The following SOX6 variants were observed in gnomAD, a reference collection of about 807,000 sequenced individuals.
SOX6 encodes the protein transcription factor SOX-6.
SOX6 carries 11 observed loss-of-function variants against 97.8 expected under a neutral mutation model. That is an observed-to-expected ratio of 0.11 (90% confidence interval 0.07 to 0.19). The LOEUF (loss-of-function observed/expected upper bound fraction) is 0.19, where lower values mean the gene tolerates loss of function less well. Ranked by LOEUF, SOX6 falls within the 10% of genes least tolerant of loss-of-function variation. The pLI is 1.00. For synonymous variants in SOX6, 360 were observed against 371.4 expected, an observed-to-expected ratio of 0.97 and a Z score of 0.35; for missense variants, 810 against 1,039.5, an observed-to-expected ratio of 0.78 and a Z score of 3.04.
chr11:16,253,112 C>A (rs1230339270), intron 3 of SOX6, among the ~76,000 whole-genome samples: 1 of 152,146 alleles, frequency 6.6e-6, no homozygotes, highest in African/African-American at 2.4e-5. Flanking sequence ...CTTTGGGAGG[C>A]CTAGGCGGGC....
intron 9 of SOX6, among the ~76,000 whole-genome samples, chr11:16,077,086 G>A (rs1294926999): frequency 6.6e-6 from 1 of 152,136 alleles, no homozygotes; most frequent in Non-Finnish European, 1.5e-5. Flanking sequence ...CAGATCTCAT[G>A]AGAACTCACT....
intron 4 of SOX6, among the ~76,000 whole-genome samples, chr11:16,213,503 C>T (rs1419363846): frequency 3.3e-5 from 5 of 151,992 alleles, no homozygotes; most frequent in African/African-American, 1.2e-4. Flanking sequence ...AAATACCACT[C>T]AAAACAGGAA....
chr11:16,296,276 C>T (rs1855084751), intron 3 of SOX6, among the ~76,000 whole-genome samples: 1 of 152,034 alleles, frequency 6.6e-6, no homozygotes, highest in African/African-American at 2.4e-5. Flanking sequence ...CCATGCTTTA[C>T]TCAGATATTT....
At position 16,394,172 on chromosome 11, in the gene SOX6, T is replaced by C. The variant is rs184815938; in HGVS notation, c.-4-52920A>G. On this transcript the variant is annotated intron_variant, in intron 1 of 15. Transcript: ENST00000396356. The stretch of plus-strand genomic sequence containing the variant: ...AATTGTATTTTTACTATGCATATCA[T>C]TGAAGAAGATGGAAAAAGGCACCAT... Among the ~76,000 whole-genome samples, 12 of 152,096 alleles carry C rather than the reference T, an allele frequency of 7.9e-5. No individual in the cohort carries two copies. The East Asian group carries it at 2.3e-3, about 29-fold the overall frequency.
intron 1 of SOX6, among the ~76,000 whole-genome samples, chr11:16,462,070 T>A (rs1244454452): frequency 6.6e-6 from 1 of 152,208 alleles, no homozygotes; most frequent in Non-Finnish European, 1.5e-5. Context: ...AAAGCATTAT[T>A]CTTGGAAGAA....
chr11:16,641,632 G>T, intron 3 of SOX6, among the ~76,000 whole-genome samples: 1 of 152,224 alleles, frequency 6.6e-6, no homozygotes, highest in Non-Finnish European at 1.5e-5. Flanking sequence ...AGCTCTTCTT[G>T]TTGAATTGGT....
chr11:16,083,812 C>T (rs185183020), intron 9 of SOX6, among the ~76,000 whole-genome samples: 23 of 152,182 alleles, frequency 1.5e-4, no homozygotes, highest in Admixed American at 1.5e-3. Context: ...TCACAACTTC[C>T]CTATGGGGGT....
intron 6 of SOX6, among the ~76,000 whole-genome samples, chr11:16,159,377 A>G (rs1850683385): frequency 6.6e-6 from 1 of 152,048 alleles, no homozygotes; most frequent in South Asian, 2.1e-4. Context: ...TTATTTCTCA[A>G]CATTTTCATA....
chr11:16,595,347 G>A (rs1848200834), intron 4 of SOX6, among the ~76,000 whole-genome samples: 1 of 152,048 alleles, frequency 6.6e-6, no homozygotes, highest in Admixed American at 6.5e-5. Context: ...AGTCATATAA[G>A]CTGCAAAACT....
At chr11:16,208,256 CA>C (rs1852125700) in intron 4 of SOX6, among the ~76,000 whole-genome samples, 1 of 152,188 alleles carries the variant, frequency 6.6e-6, no homozygotes, top group Non-Finnish European at 1.5e-5. Context: ...TTCATACCTT[CA>C]ACTCTCATGT....
At position 16,407,087 on chromosome 11, in the gene SOX6, G is replaced by A. The variant is rs186016826; in HGVS notation, c.-4-65835C>T. Among the ~76,000 whole-genome samples, 266 of 152,090 alleles carry A rather than the reference G, an allele frequency of 1.7e-3. 1 individual carries two copies. The highest frequency in any genetic ancestry group is 5.9e-3 in the African/African-American group (246 of 41,486). ...AACTACAAACTTTTTTGTCTCAGAT[G>A]CTTCCCTTCCACTGACAGAAGCAGC... On this transcript the variant is annotated intron_variant, in intron 1 of 15. Coordinates refer to the SOX6 transcript ENST00000396356.
intron 3 of SOX6, among the ~76,000 whole-genome samples, chr11:16,675,535 C>T (rs1847878111): frequency 6.6e-6 from 1 of 152,124 alleles, no homozygotes; most frequent in Non-Finnish European, 1.5e-5. Context: ...ATAGGTAGTT[C>T]TTTGATGAGT....
chr11:16,019,891 A>G (rs1239088260), intron 12 of SOX6, among the ~76,000 whole-genome samples: 2 of 152,192 alleles, frequency 1.3e-5, no homozygotes, highest in Non-Finnish European at 2.9e-5. Flanking sequence ...CTCTAAGGCC[A>G]TGACAATATT....
At chr11:16,726,740 A>G (rs1848309286) in intron 2 of SOX6, among the ~76,000 whole-genome samples, 1 of 152,220 alleles carries the variant, frequency 6.6e-6, no homozygotes, top group South Asian at 2.1e-4. Flanking sequence ...ACACTCAGAT[A>G]TTGCTTTACT....
At chr11:16,137,193 T>C (rs775890873) in intron 6 of SOX6, among the ~76,000 whole-genome samples, 7 of 152,162 alleles carry the variant, frequency 4.6e-5, no homozygotes, top group African/African-American at 7.2e-5. Flanking sequence ...CCTAGCACTT[T>C]GGGAGGCTGA....
chr11:16,519,580 C>T (rs766206638), intron 4 of SOX6, among the ~76,000 whole-genome samples: 23 of 152,132 alleles, frequency 1.5e-4, no homozygotes, highest in Non-Finnish European at 3.1e-4. Context: ...ATATACACCA[C>T]ATTTTCTTTA....
At chr11:16,024,684 G>A (rs967609405) in intron 12 of SOX6, among the ~76,000 whole-genome samples, 2 of 151,950 alleles carry the variant, frequency 1.3e-5, no homozygotes, top group Non-Finnish European at 2.9e-5. Flanking sequence ...TGGACCATAA[G>A]CATTTCGAGG....
chr11:16,354,920 G>T (rs539641668), intron 1 of SOX6, among the ~76,000 whole-genome samples: 3 of 151,762 alleles, frequency 2.0e-5, no homozygotes, highest in Non-Finnish European at 2.9e-5. Flanking sequence ...TCTAAATCAG[G>T]TCTAAAATCA....
At chr11:16,007,653 T>G (rs1016548155) in intron 13 of SOX6, among the ~76,000 whole-genome samples, 1 of 152,086 alleles carries the variant, frequency 6.6e-6, no homozygotes, top group African/African-American at 2.4e-5. Flanking sequence ...CCCATTACCT[T>G]AAGGTTAGGC....
Sources: gnomAD v4.1 joint callset for allele counts (sites outside exome capture counted in the v4.1 genomes callset) on GRCh38, gnomAD v4.1.1 for gene constraint, MANE v1.5 for transcripts, NCBI Gene and HGNC (gene_info 2026-07-23, HGNC 2026-07-21) for gene names.